Variants in CPSF6 observed in about 807,000 individuals in gnomAD.
CPSF6 encodes cleavage and polyadenylation specificity factor subunit 6.
In CPSF6, 10 loss-of-function variants were observed where a neutral mutation model predicts 56.7. The observed-to-expected ratio is 0.18, with a 90% confidence interval of 0.11 to 0.30. CPSF6 has a LOEUF of 0.30. Ranked by LOEUF, CPSF6 falls within the 10% of genes least tolerant of loss-of-function variation. CPSF6 has a pLI of 1.00. For synonymous variants in CPSF6, 248 were observed against 244.8 expected (o/e 1.01, Z -0.12); for missense variants, 419 against 722.9 (o/e 0.58, Z 4.82).
intron 9 of CPSF6, among the ~76,000 whole-genome samples, chr12:69,267,178 C>A (rs1873030889): frequency 6.6e-6 from 1 of 151,850 alleles, no homozygotes; most frequent in Non-Finnish European, 1.5e-5. Flanking sequence ...TAAAAGTGCC[C>A]TGTCAAGTAT....
Position 69,274,272 on chromosome 12 carries a change from A to G in CPSF6, c.*4764A>G, listed in dbSNP as rs563500295. ...ATTTAGGTGACTGTTCGGCAGTTTG[A>G]TATATGGCCATTGTCGGCCTTAAAC... is the stretch of plus-strand genomic sequence containing the variant. On this transcript the variant is annotated 3_prime_UTR_variant, in exon 10 of 10. Coordinates refer to ENST00000435070, the MANE Select transcript of CPSF6 (RefSeq NM_007007.3). 6.6e-5 allele frequency: 10 copies of G among 152,024 alleles called. No individual in the cohort carries two copies. The highest frequency in any genetic ancestry group is 2.2e-4 in the African/African-American group (9 of 41,498). The allele number at this position is 152,024 out of a possible 1,614,324, so 9.4% of individuals were successfully genotyped here.
chr12:69,259,947 C>T, intron 7 of CPSF6, 97 bp from the exon 8 acceptor site: 1 of 1,277,880 alleles, frequency 7.8e-7, no homozygotes, highest in Non-Finnish European at 1.1e-6. Flanking sequence ...TAGCACAGTA[C>T]TTTTGTAAAA....
Position 69,258,565 on chromosome 12 carries a change from TCTC to T in CPSF6, c.695-24_695-22del, listed in dbSNP as rs756960092. ...ATCTTATTAGTGAAGTGTTTTTTTT[TCTC>T]TCTTTCTCCTTTGTTTTTTAGCTGG... On this transcript the variant is annotated intron_variant, in intron 5 of 9. Transcript: ENST00000435070. The surrounding 1 kb of genome is among the most constrained non-coding windows in gnomAD (Gnocchi z 4.2). 9.1e-6 allele frequency: 14 copies of T among 1,540,602 alleles called. No individual in the cohort carries two copies. Among genetic ancestry groups the T allele is most frequent in the East Asian group, 2.3e-5 (1 of 44,072 alleles).
At chr12:69,249,169 G>GCA (rs1372938275) in intron 1 of CPSF6, among the ~76,000 whole-genome samples, 2 of 65,004 alleles carry the variant, frequency 3.1e-5, no homozygotes, top group African/African-American at 1.1e-4. Flanking sequence ...GGGGGGGGGG[G>GCA]CTGAGGCAGG....
In CPSF6 at chr12:69,258,415, T is replaced by C. The variant is rs1429794191; in HGVS notation, c.695-175T>C. On this transcript the variant is annotated intron_variant, in intron 5 of 9. Coordinates refer to ENST00000435070, the MANE Select transcript of CPSF6 (RefSeq NM_007007.3). The surrounding 1 kb of genome is among the most constrained non-coding windows in gnomAD (Gnocchi z 4.2). ...TAAGCATAAATTGAGCTAGTTAAAT[T>C]TGTAAGGATATACTTCATTGTAGTT... Among the ~76,000 whole-genome samples the C allele has an allele frequency of 6.6e-6, 1 of 152,236 alleles. No individual in the cohort carries two copies. Among genetic ancestry groups the C allele is most frequent in the East Asian group, 1.9e-4 (1 of 5,200 alleles).
rs767126255 is a variant in CPSF6 at position 69,257,880 on chromosome 12, A to C, written c.669A>C (p.Pro223=). The C allele has an allele frequency of 3.7e-6, 6 of 1,602,692 alleles. No individual in the cohort carries two copies. The highest frequency in any genetic ancestry group is 5.1e-6 in the Non-Finnish European group (6 of 1,176,100). ...ACAGATTTCCTGGGCCAGCAGGACC[A>C]GGAGGGCCACCCCCACCTTTTCCAG... ...GGDRFPGPAG[P]GGPPPPFPAG... Residue 223 remains proline (P), a synonymous_variant, in exon 5 of 10, where the codon CCA becomes CCC. Transcript: ENST00000435070.
intron 1 of CPSF6, among the ~76,000 whole-genome samples, chr12:69,247,250 C>G (rs1463965834): frequency 6.6e-6 from 1 of 151,882 alleles, no homozygotes; most frequent in Non-Finnish European, 1.5e-5. Context: ...TCTGGCTTGG[C>G]AACAGATATT....
chr12:69,241,676 G>C (rs1871629641), intron 1 of CPSF6, among the ~76,000 whole-genome samples: 1 of 152,200 alleles, frequency 6.6e-6, no homozygotes, highest in Admixed American at 6.5e-5. Context: ...AAAGAGATTA[G>C]TTTTGTGGAC....
chr12:69,250,100 AT>A (rs1872151819), intron 1 of CPSF6, among the ~76,000 whole-genome samples: 6 of 147,582 alleles, frequency 4.1e-5, no homozygotes, highest in African/African-American at 1.3e-4. Context: ...TACCTTGTTC[AT>A]TTATTACGAC....
chr12:69,259,390 G>T, intron 6 of CPSF6, 38 bp from the exon 7 acceptor site: 2 of 1,594,832 alleles, frequency 1.3e-6, no homozygotes, highest in Non-Finnish European at 1.7e-6. Flanking sequence ...GAGGAAATCT[G>T]TTGAGTATGA....
At chr12:69,253,774 A>G (rs1000301788) in intron 3 of CPSF6, among the ~76,000 whole-genome samples, 2 of 152,104 alleles carry the variant, frequency 1.3e-5, no homozygotes, top group Non-Finnish European at 1.5e-5. Context: ...TCTAATGTCT[A>G]ATTCTTTTGC....
At chr12:69,269,410 G>T (rs1246787776) in intron 9 of CPSF6, 102 bp from the exon 10 acceptor site, 1 of 406,730 alleles carries the variant, frequency 2.5e-6, no homozygotes, top group South Asian at 1.8e-5. Flanking sequence ...ATACATAACA[G>T]TGAAGTAGAT....
At chr12:69,253,533 C>T (rs1872353462) in intron 3 of CPSF6, among the ~76,000 whole-genome samples, 1 of 152,126 alleles carries the variant, frequency 6.6e-6, no homozygotes, top group Admixed American at 6.5e-5. Flanking sequence ...TATTTCACTA[C>T]TAAACTATAC....
Position 69,266,019 on chromosome 12 carries a change from T to C in CPSF6, c.*3+3457T>C, listed in dbSNP as rs1299942083. On this transcript the variant is annotated intron_variant, in intron 9 of 9. Coordinates refer to ENST00000435070, the MANE Select transcript of CPSF6 (RefSeq NM_007007.3). Reference sequence around the variant, plus strand: ...GTGTATTCAGCTTATTAGCTTTGTGTTAATTTTGAAAAAAAAAAAAAAAGC... The same window carrying C: ...GTGTATTCAGCTTATTAGCTTTGTGCTAATTTTGAAAAAAAAAAAAAAAGC... Among the ~76,000 whole-genome samples, 4 of 111,322 alleles carry C rather than the reference T, an allele frequency of 3.6e-5. No homozygotes were observed. In the Admixed American group the frequency reaches 3.8e-4, roughly 10 times the overall value. 73.0% of individuals were successfully genotyped at this position (111,322 alleles called of 152,430 possible).
At position 69,247,370 on chromosome 12, in the gene CPSF6, T is replaced by G. The variant is rs1006029578; in HGVS notation, c.61-3759T>G. The stretch of plus-strand genomic sequence containing the variant: ...GTAGGGAATGAAAAAAATTAGTGAG[T>G]TTTTTTTTTTTTTAAACAAACCCTA... On this transcript the variant is annotated intron_variant, in intron 1 of 9. Transcript: ENST00000435070. Among the ~76,000 whole-genome samples the G allele has an allele frequency of 5.1e-5, 6 of 118,176 alleles. No homozygotes were observed. In the East Asian group the frequency reaches 8.8e-4, roughly 17 times the overall value. 77.5% of individuals were successfully genotyped at this position (118,176 alleles called of 152,430 possible).
At chr12:69,243,149 A>G (rs986556212) in intron 1 of CPSF6, among the ~76,000 whole-genome samples, 4 of 152,236 alleles carry the variant, frequency 2.6e-5, no homozygotes, top group African/African-American at 9.6e-5. Flanking sequence ...TTATGTGCCA[A>G]CAACGAGGGA....
chr12:69,248,938 T>A (rs911410208), intron 1 of CPSF6, among the ~76,000 whole-genome samples: 8 of 152,000 alleles, frequency 5.3e-5, no homozygotes, highest in Non-Finnish European at 7.4e-5. Context: ...GGCTTTTTTC[T>A]TTTTCTTTTA....
At chr12:69,261,098 A>G (rs757672157) in intron 8 of CPSF6, among the ~76,000 whole-genome samples, 4 of 152,132 alleles carry the variant, frequency 2.6e-5, no homozygotes, top group Non-Finnish European at 5.9e-5. Flanking sequence ...GGCAGACCTA[A>G]TCTTCACTTG....
chr12:69,239,800 T>A (rs1871502991), intron 1 of CPSF6, 94 bp downstream of exon 1: 1 of 1,233,244 alleles, frequency 8.1e-7, no homozygotes, highest in Non-Finnish European at 1.1e-6. Flanking sequence ...CCGAAGCGAC[T>A]GCAGAGTGTG....
Sources: gnomAD v4.1 joint callset for allele counts (sites outside exome capture counted in the v4.1 genomes callset) on GRCh38, gnomAD v4.1.1 for gene constraint, Gnocchi (gnomAD v3.1) non-coding constraint, MANE v1.5 for transcripts, NCBI Gene and HGNC (gene_info 2026-07-23, HGNC 2026-07-21) for gene names.